The following ADGRL2 variants were observed in gnomAD, a reference collection of about 807,000 sequenced individuals.
ADGRL2 encodes calcium-independent alpha-latrotoxin receptor 2.
A neutral mutation model predicts 157.4 loss-of-function variants in ADGRL2; 44 were observed. That is an observed-to-expected ratio of 0.28 (90% confidence interval 0.22 to 0.36). The LOEUF is 0.36. ADGRL2 is among the 10% of genes least tolerant of loss of function. ADGRL2 has a pLI of 1.00. For synonymous variants in ADGRL2, 585 were observed against 624.7 expected, an observed-to-expected ratio of 0.94 and a Z score of 0.95; for missense variants, 1,510 against 1,768.9, an observed-to-expected ratio of 0.85 and a Z score of 2.63.
chr1:81,902,974 G>T (rs1005721616), intron 2 of ADGRL2, among the ~76,000 whole-genome samples: 4 of 152,168 alleles, frequency 2.6e-5, no homozygotes, highest in Admixed American at 6.5e-5. Context: ...AGAAAACAGA[G>T]CAAGTTGTTT....
intron 1 of ADGRL2, among the ~76,000 whole-genome samples, chr1:81,712,278 T>C (rs1404552529): frequency 2.6e-5 from 4 of 152,182 alleles, no homozygotes; most frequent in African/African-American, 9.7e-5. Flanking sequence ...GCATAGACAT[T>C]TGTATGTGGT....
At chr1:81,717,300 C>G (rs1458113382) in intron 1 of ADGRL2, among the ~76,000 whole-genome samples, 1 of 152,160 alleles carries the variant, frequency 6.6e-6, no homozygotes, top group African/African-American at 2.4e-5. Flanking sequence ...CTGGGCTTCT[C>G]TCCTTTGGAA....
At chr1:81,959,344 A>T (rs1654587557) in intron 11 of ADGRL2, among the ~76,000 whole-genome samples, 1 of 151,994 alleles carries the variant, frequency 6.6e-6, no homozygotes, top group Non-Finnish European at 1.5e-5. Flanking sequence ...CCTATTTTTA[A>T]TTGGGTTGTT....
intron 10 of ADGRL2, among the ~76,000 whole-genome samples, chr1:81,954,720 C>T (rs971209985): frequency 6.6e-6 from 1 of 152,152 alleles, no homozygotes; most frequent in African/African-American, 2.4e-5. Flanking sequence ...TATCTTCCAC[C>T]TGCCAGGAAG....
intron 2 of ADGRL2, among the ~76,000 whole-genome samples, chr1:81,549,681 T>TA (rs1357839682): frequency 3.3e-5 from 5 of 152,126 alleles, no homozygotes. Flanking sequence ...GGAGAAAGCA[T>TA]AACATGTAAA....
At chr1:81,561,009 T>C (rs1260708669) in intron 2 of ADGRL2, among the ~76,000 whole-genome samples, 1 of 152,138 alleles carries the variant, frequency 6.6e-6, no homozygotes, top group Non-Finnish European at 1.5e-5. Context: ...TTCCTCCAGA[T>C]GTTTATTGGG....
intron 2 of ADGRL2, among the ~76,000 whole-genome samples, chr1:81,895,370 CAT>C (rs1026313988): frequency 6.8e-6 from 1 of 147,380 alleles, no homozygotes; most frequent in African/African-American, 2.5e-5. Context: ...TGTGGTCACT[CAT>C]GTGATTCAAT....
At chr1:81,356,971 A>AAAAAAGAAGAAG (rs80327519) in intron 1 of ADGRL2, among the ~76,000 whole-genome samples, 7 of 99,308 alleles carry the variant, frequency 7.0e-5, no homozygotes, top group Admixed American at 1.3e-4. Flanking sequence ...AAAAAAAAAA[A>AAAAAAGAAGAAG]AAGAAGTTGT....
In ADGRL2 at chr1:81,754,793, C is replaced by T. The variant is rs56319347; in HGVS notation, c.-142-7018C>T. Among the ~76,000 whole-genome samples the T allele has an allele frequency of 2.8e-3, 426 of 150,712 alleles. 1 individual carries two copies. Among genetic ancestry groups the T allele is most frequent in the African/African-American group, 9.5e-3 (390 of 41,018 alleles). ...CTTTCTTGCTTTGTAGCTTTGGAAA[C>T]TTAGACATACTACTTTCTTTGTGCC... On this transcript the variant is annotated intron_variant, in intron 1 of 20. Coordinates refer to the ADGRL2 transcript ENST00000359929.
chr1:81,471,908 T>A (rs1354337697), intron 2 of ADGRL2, among the ~76,000 whole-genome samples: 1 of 152,204 alleles, frequency 6.6e-6, no homozygotes, highest in African/African-American at 2.4e-5. Flanking sequence ...GGCTATTTAA[T>A]TAGTGATTTG....
intron 3 of ADGRL2, among the ~76,000 whole-genome samples, chr1:81,589,573 C>T (rs1435546809): frequency 6.6e-6 from 1 of 152,198 alleles, no homozygotes; most frequent in Non-Finnish European, 1.5e-5. Flanking sequence ...CAGTACTCTG[C>T]TCAGAACTCC....
At chr1:81,550,524 T>C (rs748704542) in intron 2 of ADGRL2, among the ~76,000 whole-genome samples, 30 of 152,074 alleles carry the variant, frequency 2.0e-4, no homozygotes, top group Non-Finnish European at 4.4e-4. Flanking sequence ...AAAGTAAAAA[T>C]CAAATGGCAG....
chr1:81,427,966 A>C (rs1304101209), intron 1 of ADGRL2, among the ~76,000 whole-genome samples: 2 of 152,212 alleles, frequency 1.3e-5, no homozygotes, highest in Non-Finnish European at 2.9e-5. Context: ...AACAGGAATA[A>C]AAAATTAAGG....
chr1:81,671,654 A>G (rs143808674), intron 3 of ADGRL2, among the ~76,000 whole-genome samples: 6,165 of 152,164 alleles, frequency 0.041, 168 homozygotes, highest in East Asian at 0.066. Context: ...CTGGGATTAC[A>G]GGCGCCCGCT....
intron 1 of ADGRL2, among the ~76,000 whole-genome samples, chr1:81,730,630 C>T (rs1021344966): frequency 1.3e-5 from 2 of 151,606 alleles, no homozygotes; most frequent in Non-Finnish European, 2.9e-5. Flanking sequence ...GGCTGAGGCA[C>T]GAGAATTGCT....
At chr1:81,929,935 C>T (rs1007187247) in intron 3 of ADGRL2, among the ~76,000 whole-genome samples, 10 of 152,072 alleles carry the variant, frequency 6.6e-5, no homozygotes, top group Non-Finnish European at 8.8e-5. Flanking sequence ...GAAGATACTA[C>T]GTTTTACAGA....
At chr1:81,470,394 C>G (rs2078146359) in intron 2 of ADGRL2, among the ~76,000 whole-genome samples, 2 of 152,240 alleles carry the variant, frequency 1.3e-5, no homozygotes, top group South Asian at 4.2e-4. Context: ...TTTCCCTTCC[C>G]AACAGATTCT....
chr1:81,781,831 C>A (rs1323140136), intron 2 of ADGRL2, among the ~76,000 whole-genome samples: 2 of 152,210 alleles, frequency 1.3e-5, no homozygotes, highest in African/African-American at 4.8e-5. Flanking sequence ...AAAACTCAAA[C>A]TTGTTACTCT....
chr1:81,921,910 A>G (rs907889460), intron 3 of ADGRL2, among the ~76,000 whole-genome samples: 3 of 152,146 alleles, frequency 2.0e-5, no homozygotes, highest in Non-Finnish European at 4.4e-5. Flanking sequence ...AATGTGCCAA[A>G]CACTCTAACA....
Sources: allele counts gnomAD v4.1 joint callset (sites outside exome capture counted in the v4.1 genomes callset), GRCh38; gene constraint gnomAD v4.1.1; transcripts MANE v1.5; gene names NCBI Gene and HGNC (gene_info 2026-07-23, HGNC 2026-07-21).